The following AP4E1 variants were observed in gnomAD, a reference collection of about 807,000 sequenced individuals.
AP4E1 encodes adaptor related protein complex 4 subunit epsilon 1, also known as AP-4 complex subunit epsilon-1.
In AP4E1, 56 loss-of-function variants were observed where a neutral mutation model predicts 128.2. That is an observed-to-expected ratio of 0.44 (90% CI 0.35 to 0.55). The LOEUF is 0.55. AP4E1 is among the 20% of genes least tolerant of loss of function. AP4E1 has a pLI of 0.00. For missense variants in AP4E1, 1,324 were observed against 1,307.7 expected (o/e 1.01, Z -0.19); for synonymous variants, 484 against 473.1 (o/e 1.02, Z -0.30).
intron 4 of AP4E1, 129 bp downstream of exon 4, chr15:50,924,133 T>C (rs2063740993): frequency 5.6e-6 from 4 of 708,264 alleles, no homozygotes; most frequent in Non-Finnish European, 9.8e-6. Context: ...GAAGAATCTT[T>C]TAGATCAGTT....
chr15:50,942,701 A>G (rs1041102306), intron 10 of AP4E1, among the ~76,000 whole-genome samples: 1 of 148,438 alleles, frequency 6.7e-6, no homozygotes, highest in Admixed American at 6.8e-5. Flanking sequence ...TATTACTTAT[A>G]ATAATAATAT....
chr15:50,986,987 C>T (rs201807518), intron 16 of AP4E1, among the ~76,000 whole-genome samples: 1 of 152,136 alleles, frequency 6.6e-6, no homozygotes, highest in African/African-American at 2.4e-5. Flanking sequence ...AATTTCAGAG[C>T]CTGTTATTGG....
intron 6 of AP4E1, among the ~76,000 whole-genome samples, chr15:50,929,527 G>C (rs1301655788): frequency 1.3e-5 from 2 of 151,862 alleles, no homozygotes; most frequent in South Asian, 2.1e-4. Context: ...ACCAGCGGGG[G>C]TTGTGCAAGC....
intron 10 of AP4E1, chr15:50,945,339 G>A: frequency 1.3e-6 from 1 of 780,332 alleles, no homozygotes; most frequent in African/African-American, 1.7e-5. Flanking sequence ...TGTACAACAT[G>A]AGGCAAGCTA....
intron 14 of AP4E1, among the ~76,000 whole-genome samples, chr15:50,966,531 CTTT>C (rs11329556): frequency 2.1e-5 from 2 of 96,426 alleles, no homozygotes; most frequent in African/African-American, 4.1e-5. Flanking sequence ...TCTCAAGAAT[CTTT>C]TTTTTTTTTT....
intron 15 of AP4E1, among the ~76,000 whole-genome samples, chr15:50,974,804 C>G (rs1265226040): frequency 6.6e-6 from 1 of 151,250 alleles, no homozygotes; most frequent in Non-Finnish European, 1.5e-5. Context: ...ACCTGTTGGC[C>G]ATGTGTATGT....
chr15:50,963,784 A>G (rs764908580), intron 14 of AP4E1, among the ~76,000 whole-genome samples: 12 of 152,258 alleles, frequency 7.9e-5, no homozygotes, highest in South Asian at 2.1e-4. Context: ...TTTACGTATT[A>G]CACATTCTAT....
Position 50,915,481 on chromosome 15 carries a change from T to C in AP4E1, c.256T>C (p.Tyr86His), listed in dbSNP as rs376252631. The stretch of plus-strand genomic sequence containing the variant: ...GAAGGAATGTATGGTGAGACTTATA[T>C]ATTGTGAAATGCTTGGATATGATGC... ...MMKECMVRLI[Y>H]CEMLGYDASF... The change falls in exon 3 of 21, where the codon TAT becomes CAT. Residue 86 changes from tyrosine (Y) to histidine (H), a missense_variant. Transcript: ENST00000261842. 5.0e-6 allele frequency: 8 copies of C among 1,613,414 alleles called. No homozygotes were observed. The highest frequency in any genetic ancestry group is 5.9e-6 in the Non-Finnish European group (7 of 1,179,530).
rs1333203272 is a variant in AP4E1 at position 50,949,901 on chromosome 15, T to G, written c.1392T>G (p.Pro464=). Residue 464 remains proline (P), a synonymous_variant, in exon 12 of 21, where the codon CCT becomes CCG. Coordinates refer to ENST00000261842, the MANE Select transcript of AP4E1 (RefSeq NM_007347.5). ...VFSVGGDVMH[P]DIPNNFLRLL... is the part of the protein sequence containing the mutation. ...CAGTAGGAGGAGATGTAATGCATCC[T>G]GATATTCCCAATAACTTTCTGAGAC... 2 of 1,613,744 alleles carry G rather than the reference T, an allele frequency of 1.2e-6. No homozygotes were observed. The highest frequency in any genetic ancestry group is 1.7e-6 in the Non-Finnish European group (2 of 1,179,732).
rs957940365 is a variant in AP4E1 at position 51,004,889 on chromosome 15, G to GT, written c.*2238dup. On this transcript the variant is annotated 3_prime_UTR_variant, in exon 21 of 21. Coordinates refer to ENST00000261842, the MANE Select transcript of AP4E1 (RefSeq NM_007347.5). Reference sequence around the variant, plus strand: ...AGGAGATGTGACTGTAAAGTAGGGAGTTTTTTTTTTTGAGACAGAGTTTCA... The same window carrying GT: ...AGGAGATGTGACTGTAAAGTAGGGAGTTTTTTTTTTTTGAGACAGAGTTTCA... The GT allele has an allele frequency of 0.011, 1,540 of 145,972 alleles. 25 individuals are homozygous for GT. The highest frequency in any genetic ancestry group is 0.034 in the African/African-American group (1,347 of 40,114). The allele number at this position is 145,972 out of a possible 1,614,324, so 9.0% of individuals were successfully genotyped here.
At chr15:50,997,955 T>C in intron 18 of AP4E1, 72 bp downstream of exon 18, 1 of 1,204,418 alleles carries the variant, frequency 8.3e-7, no homozygotes, top group Admixed American at 2.4e-5. Flanking sequence ...GCTCTTTAAA[T>C]GTCTCCTTCA....
chr15:50,983,068 G>C (rs2064664502), intron 15 of AP4E1, among the ~76,000 whole-genome samples: 1 of 152,100 alleles, frequency 6.6e-6, no homozygotes, highest in African/African-American at 2.4e-5. Flanking sequence ...AAAAAATAAA[G>C]AAACAAAGTG....
At chr15:50,999,317 G>C (rs1324189938) in intron 19 of AP4E1, 55 bp downstream of exon 19, 1 of 1,486,188 alleles carries the variant, frequency 6.7e-7, no homozygotes, top group Non-Finnish European at 9.2e-7. Context: ...CTATTTTTTA[G>C]ACCTCTTCTC....
At chr15:50,953,948 A>G (rs1414533126) in intron 13 of AP4E1, among the ~76,000 whole-genome samples, 1 of 152,218 alleles carries the variant, frequency 6.6e-6, no homozygotes, top group Non-Finnish European at 1.5e-5. Context: ...TTGTGAGTGG[A>G]AGACGTGATC....
intron 10 of AP4E1, chr15:50,944,887 C>T (rs1273010507): frequency 3.7e-6 from 3 of 816,776 alleles, no homozygotes; most frequent in Non-Finnish European, 6.3e-6. Context: ...GCAAAGCATC[C>T]AAAGAACCTG....
At position 50,999,371 on chromosome 15, in the gene AP4E1, A is replaced by G. The variant is rs908788000; in HGVS notation, c.3095+109A>G. On this transcript the variant is annotated intron_variant, in intron 19 of 20. Coordinates refer to ENST00000261842, the MANE Select transcript of AP4E1 (RefSeq NM_007347.5). Reference sequence around the variant, plus strand: ...TGGGTGCTAGGGAGTATAACAGTTAAAAACTACGCACAGTTCCTACGTTAG... The same window carrying G: ...TGGGTGCTAGGGAGTATAACAGTTAGAAACTACGCACAGTTCCTACGTTAG... 2.5e-5 allele frequency: 23 copies of G among 911,054 alleles called. No homozygotes were observed. The Admixed American group carries it at 5.6e-4, about 22-fold the overall frequency. The allele number at this position is 911,054 out of a possible 1,614,324, so 56.4% of individuals were successfully genotyped here.
intron 15 of AP4E1, among the ~76,000 whole-genome samples, chr15:50,977,251 CAA>C (rs1472495770): frequency 6.6e-6 from 1 of 152,034 alleles, no homozygotes; most frequent in Non-Finnish European, 1.5e-5. Flanking sequence ...TTACTGAAGT[CAA>C]GGGTTGGATA....
intron 3 of AP4E1, among the ~76,000 whole-genome samples, chr15:50,917,628 TATAAA>T (rs2063645553): frequency 6.6e-6 from 1 of 152,220 alleles, no homozygotes; most frequent in Non-Finnish European, 1.5e-5. Flanking sequence ...ATTGTCTGTT[TATAAA>T]ATTTATTCAG....
intron 2 of AP4E1, among the ~76,000 whole-genome samples, chr15:50,913,582 A>G (rs915229744): frequency 2.0e-5 from 3 of 152,236 alleles, no homozygotes; most frequent in South Asian, 2.1e-4. Context: ...GAATTCTTGC[A>G]TTGGGGAATG....
Sources: allele counts gnomAD v4.1 joint callset (sites outside exome capture counted in the v4.1 genomes callset), GRCh38; gene constraint gnomAD v4.1.1; transcripts MANE v1.5; gene names NCBI Gene and HGNC (gene_info 2026-07-23, HGNC 2026-07-21).